Variants in ABCA1 observed in about 807,000 individuals in gnomAD.
The protein encoded by ABCA1 is phospholipid-transporting ATPase ABCA1.
ABCA1 carries 133 observed loss-of-function variants against 262.5 expected under a neutral mutation model. That is an observed-to-expected ratio of 0.51 (90% confidence interval 0.44 to 0.59). The LOEUF (loss-of-function observed/expected upper bound fraction) is 0.59, where lower values mean the gene tolerates loss of function less well. Ranked by LOEUF, ABCA1 falls within the 20% of genes least tolerant of loss-of-function variation. The pLI is 0.00. For synonymous variants in ABCA1, 1,022 were observed against 1,043.5 expected, an observed-to-expected ratio of 0.98 and a Z score of 0.40; for missense variants, 2,452 against 2,777.5, an observed-to-expected ratio of 0.88 and a Z score of 2.63.
At chr9:104,831,316 C>T (rs1174062613) in intron 13 of ABCA1, among the ~76,000 whole-genome samples, 2 of 151,528 alleles carry the variant, frequency 1.3e-5, no homozygotes, top group Non-Finnish European at 2.9e-5. Flanking sequence ...CTCCTGGGTT[C>T]AAGCAATTCT....
Position 104,798,441 on chromosome 9 carries a change from A to G in ABCA1, c.5101T>C (p.Ser1701Pro). 7 of 1,614,226 alleles carry G rather than the reference A, an allele frequency of 4.3e-6. No individual in the cohort carries two copies. The highest frequency in any genetic ancestry group is 5.9e-6 in the Non-Finnish European group (7 of 1,180,036). The change falls in exon 37 of 50, where the codon TCT becomes CCT. Residue 1701 changes from serine to proline, a missense_variant. This residue lies in a region of ABCA1 where 752 missense variants were observed against 944.5 expected (regional missense o/e 0.80). Transcript: ENST00000374736. ...CTTACCATATCCCAGACAAAATTAG[A>G]GAGCCAGTAGATGACAGGCTTCACT... ...SGVKPVIYWL[S>P]NFVWDMCNYV...
At chr9:104,875,121 A>T (rs1838035189) in intron 5 of ABCA1, among the ~76,000 whole-genome samples, 1 of 152,014 alleles carries the variant, frequency 6.6e-6, no homozygotes, top group Admixed American at 6.5e-5. Context: ...TAGACATAGG[A>T]GATTCCATTT....
chr9:104,849,366 T>G (rs1249056078), intron 7 of ABCA1, among the ~76,000 whole-genome samples: 1 of 151,900 alleles, frequency 6.6e-6, no homozygotes, highest in Non-Finnish European at 1.5e-5. Context: ...AGTCTGTATG[T>G]TGGGTTTGAC....
intron 20 of ABCA1, among the ~76,000 whole-genome samples, chr9:104,820,902 A>G (rs1832270326): frequency 6.6e-6 from 1 of 152,162 alleles, no homozygotes; most frequent in Non-Finnish European, 1.5e-5. Context: ...AAATCAAAGA[A>G]CAACTAGGTC....
intron 44 of ABCA1, among the ~76,000 whole-genome samples, chr9:104,789,012 G>C (rs1829175568): frequency 1.3e-5 from 2 of 152,328 alleles, no homozygotes; most frequent in Middle Eastern, 3.4e-3. Flanking sequence ...AATTTATGTG[G>C]TGGTGGGGTG....
At chr9:104,901,119 G>GC (rs1840629703) in intron 2 of ABCA1, among the ~76,000 whole-genome samples, 1 of 152,198 alleles carries the variant, frequency 6.6e-6, no homozygotes, top group Non-Finnish European at 1.5e-5. Context: ...CCTGTTGCAG[G>GC]ATTCCTTCCC....
At chr9:104,846,221 A>G (rs1005654221) in intron 7 of ABCA1, among the ~76,000 whole-genome samples, 23 of 152,132 alleles carry the variant, frequency 1.5e-4, no homozygotes, top group African/African-American at 5.3e-4. Flanking sequence ...TAAGCTAAAG[A>G]AAAAAAAGAA....
chr9:104,899,175 G>A (rs1840457651), intron 2 of ABCA1, among the ~76,000 whole-genome samples: 1 of 152,210 alleles, frequency 6.6e-6, no homozygotes. Context: ...GGAGAAAGGA[G>A]TTTTCCTAGG....
At position 104,840,318 on chromosome 9, in the gene ABCA1, T is replaced by C; in HGVS notation, c.1015A>G (p.Thr339Ala). 1.2e-6 allele frequency: 2 copies of C among 1,614,238 alleles called. No individual in the cohort carries two copies. The highest frequency in any genetic ancestry group is 1.7e-6 in the Non-Finnish European group (2 of 1,180,048). Reference protein sequence around the residue: ...NYKALFGGNGTEEDAETFYDN... With the variant: ...NYKALFGGNGAEEDAETFYDN... ...TAGAAGGTTTCAGCATCTTCCTCAGTGCCATTGCCTCCAAAGAGGGCTTTG... is the reference window on the plus strand; with the variant it reads ...TAGAAGGTTTCAGCATCTTCCTCAGCGCCATTGCCTCCAAAGAGGGCTTTG... Residue 339 changes from threonine to alanine, a missense_variant, in exon 9 of 50, where the codon ACT becomes GCT. This residue lies in a region of ABCA1 where 1,032 missense variants were observed against 1,089.7 expected (regional missense o/e 0.95). Coordinates refer to ENST00000374736, the MANE Select transcript of ABCA1 (RefSeq NM_005502.4).
chr9:104,792,836 G>T lies in ABCA1; in HGVS notation c.5707C>A (p.Leu1903Ile). ...ATGTCATTCTGGCCTCCACCATCAAGAATTCTCTGTCTTTCCCGCCTCACA... is the reference window on the plus strand; with the variant it reads ...ATGTCATTCTGGCCTCCACCATCAATAATTCTCTGTCTTTCCCGCCTCACA... ...EDVRRERQRI[L>I]DGGGQNDILE... The change falls in exon 42 of 50, where the codon CTT becomes ATT. Residue 1903 changes from leucine to isoleucine, a missense_variant. This residue lies in a region of ABCA1 where 752 missense variants were observed against 944.5 expected (regional missense o/e 0.80). Coordinates refer to ENST00000374736, the MANE Select transcript of ABCA1 (RefSeq NM_005502.4). 6.2e-7 allele frequency: 1 copy of T among 1,614,084 alleles called. No individual in the cohort carries two copies. The highest frequency in any genetic ancestry group is 8.5e-7 in the Non-Finnish European group (1 of 1,179,996).
At chr9:104,884,607 A>G in intron 3 of ABCA1, 39 bp from the exon 4 acceptor site, 1 of 1,613,142 alleles carries the variant, frequency 6.2e-7, no homozygotes, top group Non-Finnish European at 8.5e-7. Flanking sequence ...AGGGAGAAAC[A>G]TTAATTCCCT....
At chr9:104,796,488 T>C in intron 37 of ABCA1, 64 bp from the exon 38 acceptor site, 1 of 1,251,802 alleles carries the variant, frequency 8.0e-7, no homozygotes, top group Non-Finnish European at 1.2e-6. Context: ...ATCACACAAG[T>C]TTTCACCATT....
intron 5 of ABCA1, among the ~76,000 whole-genome samples, chr9:104,876,352 G>A (rs1838166025): frequency 6.6e-6 from 1 of 152,150 alleles, no homozygotes; most frequent in South Asian, 2.1e-4. Flanking sequence ...CCCTATCCCG[G>A]GAAGGCAAGA....
intron 32 of ABCA1, among the ~76,000 whole-genome samples, chr9:104,803,693 C>T (rs530105106): frequency 5.3e-5 from 8 of 152,106 alleles, no homozygotes; most frequent in African/African-American, 1.4e-4. Context: ...CTGCAACCTC[C>T]GCCTCCCAGA....
At chr9:104,804,390 T>G (rs1330416644) in intron 32 of ABCA1, among the ~76,000 whole-genome samples, 1 of 152,238 alleles carries the variant, frequency 6.6e-6, no homozygotes. Context: ...AATTTGACGT[T>G]GAATCCATTT....
At position 104,796,065 on chromosome 9, in the gene ABCA1, C is replaced by A; in HGVS notation, c.5370G>T (p.Leu1790=). The A allele has an allele frequency of 6.2e-7, 1 of 1,612,730 alleles. No individual in the cohort carries two copies. The highest frequency in any genetic ancestry group is 8.5e-7 in the Non-Finnish European group (1 of 1,179,996). ...NGSVATFVLE[L]FTDNKLNNIN... ...CTGCATGACTCACATTGTCGGTGAA[C>A]AGCTCCAGCACAAAGGTGGCCACGC... is the stretch of plus-strand genomic sequence containing the variant. The change falls in exon 39 of 50, where the codon CTG becomes CTT. Residue 1790 remains leucine (L), a synonymous_variant. Transcript: ENST00000374736.
intron 11 of ABCA1, among the ~76,000 whole-genome samples, chr9:104,833,045 A>C (rs1396739565): frequency 6.6e-6 from 1 of 152,236 alleles, no homozygotes; most frequent in Non-Finnish European, 1.5e-5. Flanking sequence ...GCTTTCCACT[A>C]TACGAAACAT....
intron 27 of ABCA1, 124 bp from the exon 28 acceptor site, chr9:104,812,846 GAAGTA>G: frequency 8.1e-7 from 1 of 1,235,744 alleles, no homozygotes. Flanking sequence ...AAGTTTCTCA[GAAGTA>G]AAGGGCTTTC....
At chr9:104,875,747 A>T (rs1218306751) in intron 5 of ABCA1, among the ~76,000 whole-genome samples, 1 of 152,166 alleles carries the variant, frequency 6.6e-6, no homozygotes, top group East Asian at 1.9e-4. Context: ...AAGGCAAGAT[A>T]AGGAACTCCA....
Sources: gnomAD v4.1 joint callset for allele counts (sites outside exome capture counted in the v4.1 genomes callset) on GRCh38, gnomAD v4.1.1 for gene constraint, gnomAD v4.1.1 regional missense constraint, MANE v1.5 for transcripts, NCBI Gene and HGNC (gene_info 2026-07-23, HGNC 2026-07-21) for gene names.